The following LAMA2 variants were observed in gnomAD, a reference collection of about 807,000 sequenced individuals.
LAMA2 encodes the protein laminin subunit alpha-2.
LAMA2 carries 269 observed loss-of-function variants against 364.8 expected under a neutral mutation model. The ratio of observed to expected loss-of-function variants is 0.74; its 90% CI spans 0.67 to 0.82. The LOEUF (loss-of-function observed/expected upper bound fraction) is 0.82, where lower values mean the gene tolerates loss of function less well. LAMA2 is among the 40% of genes least tolerant of loss of function. LAMA2 has a pLI of 0.00. For missense variants in LAMA2, 3,807 were observed against 3,873.2 expected (o/e 0.98, Z 0.45); for synonymous variants, 1,379 against 1,370.6 (o/e 1.01, Z -0.14).
chr6:129,483,699 C>T (rs1299358435), intron 55 of LAMA2, among the ~76,000 whole-genome samples: 2 of 152,104 alleles, frequency 1.3e-5, no homozygotes, highest in Admixed American at 6.6e-5. Context: ...GGGGCTGTTC[C>T]ACCAGATATC....
chr6:129,292,937 C>A, intron 20 of LAMA2: 1 of 985,888 alleles, frequency 1.0e-6, no homozygotes, highest in Non-Finnish European at 1.2e-6. Context: ...AACAGTGCAA[C>A]CTCGGCAGGC....
At chr6:129,240,681 G>A (rs1170960391) in intron 12 of LAMA2, among the ~76,000 whole-genome samples, 5 of 152,078 alleles carry the variant, frequency 3.3e-5, no homozygotes, top group Admixed American at 6.6e-5. Context: ...CTGGATCGCC[G>A]TTTCCTTTAA....
chr6:129,436,138 A>G (rs551572799), intron 41 of LAMA2, among the ~76,000 whole-genome samples: 37 of 152,210 alleles, frequency 2.4e-4, no homozygotes, highest in Non-Finnish European at 4.7e-4. Flanking sequence ...ATATATGCAC[A>G]CAGAAAGCAA....
At chr6:129,224,969 T>G (rs997374544) in intron 12 of LAMA2, among the ~76,000 whole-genome samples, 1 of 152,026 alleles carries the variant, frequency 6.6e-6, no homozygotes, top group Non-Finnish European at 1.5e-5. Context: ...GTCCTGGACT[T>G]TTTTTGGTTG....
intron 40 of LAMA2, among the ~76,000 whole-genome samples, chr6:129,424,935 A>G (rs1013098623): frequency 2.0e-4 from 30 of 152,174 alleles, no homozygotes; most frequent in Non-Finnish European, 4.1e-4. Flanking sequence ...TGATGAAATA[A>G]TTACCAATAA....
intron 4 of LAMA2, among the ~76,000 whole-genome samples, chr6:129,118,762 G>A (rs904624399): frequency 6.6e-6 from 1 of 152,144 alleles, no homozygotes; most frequent in Non-Finnish European, 1.5e-5. Flanking sequence ...AGACTGATGA[G>A]AAACCTCTGA....
At chr6:128,944,536 T>C (rs531148833) in intron 1 of LAMA2, among the ~76,000 whole-genome samples, 1 of 151,996 alleles carries the variant, frequency 6.6e-6, no homozygotes, top group Non-Finnish European at 1.5e-5. Flanking sequence ...GGCTCACGCC[T>C]GTAATCCCAG....
rs3749879 is a variant in LAMA2 at position 129,401,489 on chromosome 6, A to G, written c.5562+149A>G. 320,968 of 667,550 alleles carry G rather than the reference A, an allele frequency of 0.48. 78,903 individuals are homozygous for G. Among genetic ancestry groups the G allele is most frequent in the African/African-American group, 0.62 (34,433 of 55,732 alleles). The allele number at this position is 667,550 out of a possible 1,614,324, so 41.4% of individuals were successfully genotyped here. A position where few individuals can be genotyped will look rare whatever the true frequency, so the allele number is the denominator to read the frequency against. On this transcript the variant is annotated intron_variant, in intron 38 of 64. Coordinates refer to ENST00000421865, the MANE Select transcript of LAMA2 (RefSeq NM_000426.4). ...TATTCTACTGTGACCATGCCTATCTATTGGTGACAACTGGAATATCACTTT... is the reference window on the plus strand; with the variant it reads ...TATTCTACTGTGACCATGCCTATCTGTTGGTGACAACTGGAATATCACTTT...
chr6:128,933,166 A>C (rs1779586909), intron 1 of LAMA2, among the ~76,000 whole-genome samples: 1 of 152,106 alleles, frequency 6.6e-6, no homozygotes, highest in Non-Finnish European at 1.5e-5. Flanking sequence ...CATTGCAAAT[A>C]GCAGGATTTC....
intron 1 of LAMA2, among the ~76,000 whole-genome samples, chr6:129,036,500 G>A (rs1786649727): frequency 6.6e-6 from 1 of 152,030 alleles, no homozygotes; most frequent in African/African-American, 2.4e-5. Flanking sequence ...AGTATGTATG[G>A]TTAGCTCTGT....
chr6:129,064,469 A>T (rs1789158641), intron 3 of LAMA2, among the ~76,000 whole-genome samples: 1 of 152,084 alleles, frequency 6.6e-6, no homozygotes, highest in East Asian at 1.9e-4. Context: ...AATGAAATAG[A>T]GACTAGGGAA....
intron 4 of LAMA2, among the ~76,000 whole-genome samples, chr6:129,105,700 C>T (rs1285764181): frequency 6.6e-6 from 1 of 152,144 alleles, no homozygotes; most frequent in Non-Finnish European, 1.5e-5. Context: ...GACTGAGTCT[C>T]TTGGCAGGTT....
At chr6:129,132,172 T>TC (rs1203969190) in intron 4 of LAMA2, among the ~76,000 whole-genome samples, 1 of 150,966 alleles carries the variant, frequency 6.6e-6, no homozygotes, top group East Asian at 1.9e-4. Context: ...CTTACTCTTT[T>TC]TTTTTTTTTT....
intron 10 of LAMA2, among the ~76,000 whole-genome samples, chr6:129,178,869 C>A (rs1319517606): frequency 1.3e-4 from 20 of 151,742 alleles, no homozygotes; most frequent in African/African-American, 4.8e-4. Context: ...CTGGAAATAT[C>A]AAGCTAAATA....
At chr6:129,323,466 G>A (rs1775087251) in intron 28 of LAMA2, among the ~76,000 whole-genome samples, 1 of 152,090 alleles carries the variant, frequency 6.6e-6, no homozygotes, top group Non-Finnish European at 1.5e-5. Context: ...TTATGACAGT[G>A]CAGGCCTGGT....
At chr6:129,118,121 G>A (rs1414142961) in intron 4 of LAMA2, among the ~76,000 whole-genome samples, 3 of 152,136 alleles carry the variant, frequency 2.0e-5, no homozygotes, top group Non-Finnish European at 4.4e-5. Flanking sequence ...GAAATGCATT[G>A]TGATCAGCAA....
chr6:129,512,236 C>G, intron 62 of LAMA2, 127 bp from the exon 63 acceptor site: 1 of 884,356 alleles, frequency 1.1e-6, no homozygotes. Context: ...GGATCTGAAA[C>G]TTATAGCCCT....
chr6:129,121,599 A>T (rs1220749642), intron 4 of LAMA2, among the ~76,000 whole-genome samples: 3 of 152,186 alleles, frequency 2.0e-5, no homozygotes, highest in African/African-American at 7.2e-5. Context: ...CTGGAAGATG[A>T]TGCTAACAAA....
chr6:128,902,267 A>G (rs1777135923), intron 1 of LAMA2, among the ~76,000 whole-genome samples: 1 of 152,222 alleles, frequency 6.6e-6, no homozygotes, highest in Non-Finnish European at 1.5e-5. Flanking sequence ...CATATCACTA[A>G]GAGAATAAAA....
Sources: allele counts gnomAD v4.1 joint callset (sites outside exome capture counted in the v4.1 genomes callset), GRCh38; gene constraint gnomAD v4.1.1; transcripts MANE v1.5; gene names NCBI Gene and HGNC (gene_info 2026-07-23, HGNC 2026-07-21).